The following COBL variants were observed in gnomAD, a reference collection of about 807,000 sequenced individuals.
COBL encodes cordon-bleu WH2 repeat protein, also known as protein cordon-bleu.
COBL carries 51 observed loss-of-function variants against 98.8 expected under a neutral mutation model. That is an observed-to-expected ratio of 0.52 (90% CI 0.41 to 0.65). The LOEUF (loss-of-function observed/expected upper bound fraction) is 0.65. COBL is among the 30% of genes least tolerant of loss of function. The pLI is 0.00. For synonymous variants in COBL, 634 were observed against 651.7 expected, an observed-to-expected ratio of 0.97 and a Z score of 0.41; for missense variants, 1,617 against 1,617.5, an observed-to-expected ratio of 1.00 and a Z score of 0.01.
At position 51,044,739 on chromosome 7, in the gene COBL, T is replaced by C. The variant is rs542253465; in HGVS notation, c.1097-1047A>G. Reference sequence around the variant, plus strand: ...AAGTGAATTAAGACTCCTCTGGGAGTGCTCACTCCACAAAATCATGCACTG... The same window carrying C: ...AAGTGAATTAAGACTCCTCTGGGAGCGCTCACTCCACAAAATCATGCACTG... On this transcript the variant is annotated intron_variant, in intron 7 of 12. Coordinates refer to ENST00000265136, the MANE Select transcript of COBL (RefSeq NM_015198.5). 4.6e-5 allele frequency among the ~76,000 whole-genome samples: 7 copies of C among 152,224 alleles called. No individual in the cohort carries two copies. The South Asian group carries it at 1.5e-3, about 32-fold the overall frequency.
chr7:51,086,790 C>T (rs368804635), intron 6 of COBL, among the ~76,000 whole-genome samples: 2 of 152,270 alleles, frequency 1.3e-5, no homozygotes, highest in African/African-American at 4.8e-5. Flanking sequence ...TTTTTCTAGA[C>T]TATTTTTTCT....
At chr7:51,149,646 G>A (rs1479138270) in intron 5 of COBL, among the ~76,000 whole-genome samples, 1 of 152,130 alleles carries the variant, frequency 6.6e-6, no homozygotes, top group Non-Finnish European at 1.5e-5. Context: ...TCACTGTGTC[G>A]CCCAGGCTGG....
intron 1 of COBL, among the ~76,000 whole-genome samples, chr7:51,308,801 G>A (rs1413283004): frequency 6.6e-6 from 1 of 152,168 alleles, no homozygotes; most frequent in African/African-American, 2.4e-5. Context: ...CTGTAGCATG[G>A]ACAAGGAGAA....
intron 1 of COBL, among the ~76,000 whole-genome samples, chr7:51,303,689 T>C (rs888769915): frequency 7.9e-5 from 12 of 152,214 alleles, no homozygotes; most frequent in African/African-American, 2.9e-4. Flanking sequence ...AACACAGACA[T>C]GTATCAAAAT....
intron 1 of COBL, among the ~76,000 whole-genome samples, chr7:51,306,044 G>A (rs1018498815): frequency 2.6e-5 from 4 of 151,974 alleles, no homozygotes; most frequent in Non-Finnish European, 5.9e-5. Context: ...GTCTTGGGGC[G>A]GGGGTGGGGG....
At chr7:51,142,604 G>A (rs572334280) in intron 5 of COBL, among the ~76,000 whole-genome samples, 3 of 152,014 alleles carry the variant, frequency 2.0e-5, no homozygotes, top group South Asian at 4.2e-4. Context: ...GGCTGGTCTC[G>A]AACTGCTGAA....
chr7:51,275,779 C>A (rs1326167860), intron 1 of COBL, among the ~76,000 whole-genome samples: 1 of 152,234 alleles, frequency 6.6e-6, no homozygotes, highest in Non-Finnish European at 1.5e-5. Context: ...GGCGATTCCA[C>A]CTTCCCCTCA....
chr7:51,236,434 C>T (rs1453546452), intron 1 of COBL, among the ~76,000 whole-genome samples: 1 of 152,120 alleles, frequency 6.6e-6, no homozygotes, highest in Non-Finnish European at 1.5e-5. Flanking sequence ...AGGCTTGGGG[C>T]TCAGCAGGAG....
chr7:51,225,012 T>G (rs552496784), intron 1 of COBL, among the ~76,000 whole-genome samples: 1 of 152,192 alleles, frequency 6.6e-6, no homozygotes, highest in African/African-American at 2.4e-5. Context: ...GGGTGGACTG[T>G]GTGTGTGGAT....
intron 5 of COBL, among the ~76,000 whole-genome samples, chr7:51,146,164 CCTT>C (rs1238428236): frequency 1.3e-5 from 2 of 152,240 alleles, no homozygotes; most frequent in African/African-American, 4.8e-5. Context: ...GCAACTCCAT[CCTT>C]CTGTCTTCTT....
At chr7:51,026,173 T>C (rs1034693551) in intron 11 of COBL, among the ~76,000 whole-genome samples, 3 of 152,236 alleles carry the variant, frequency 2.0e-5, no homozygotes, top group African/African-American at 7.2e-5. Flanking sequence ...GCTATATTCA[T>C]GCAACAACTT....
chr7:51,152,652 T>C (rs770896966), intron 5 of COBL, among the ~76,000 whole-genome samples: 3 of 152,234 alleles, frequency 2.0e-5, no homozygotes, highest in Non-Finnish European at 2.9e-5. Flanking sequence ...ACCCTACCTA[T>C]GTTTTCTGTT....
At position 51,219,871 on chromosome 7, in the gene COBL, GC is replaced by G. The variant is rs1338073872; in HGVS notation, c.114del (p.Lys38AsnfsTer17). On this transcript the variant is annotated frameshift_variant, in exon 2 of 13. Coordinates refer to ENST00000265136, the MANE Select transcript of COBL (RefSeq NM_015198.5). LOFTEE classifies it high-confidence loss of function. ...AATLHVHSDQ[K>X]PPHDGALGSQ... The stretch of plus-strand genomic sequence containing the variant: ...GACCCGAGGGCCCCATCGTGGGGGG[GC>G]TTCTGGTCACTGTGCACATGCAGAG... 2 of 1,613,312 alleles carry G rather than the reference GC, an allele frequency of 1.2e-6. No individual in the cohort carries two copies. Among genetic ancestry groups the G allele is most frequent in the African/African-American group, 2.7e-5 (2 of 74,888 alleles).
chr7:51,108,254 C>CCTCCA (rs1167127376), intron 6 of COBL, among the ~76,000 whole-genome samples: 6 of 152,192 alleles, frequency 3.9e-5, no homozygotes, highest in African/African-American at 1.4e-4. Context: ...GCTGGCTCTG[C>CCTCCA]CTGTTTTGGG....
chr7:51,065,073 G>A (rs960876240), intron 7 of COBL: 16 of 646,738 alleles, frequency 2.5e-5, no homozygotes, highest in Non-Finnish European at 3.6e-5. Flanking sequence ...TTTAGAAGTC[G>A]GTCCATAGAA....
intron 1 of COBL, among the ~76,000 whole-genome samples, chr7:51,294,333 A>AAAT (rs1563136809): frequency 4.1e-4 from 56 of 135,328 alleles, no homozygotes; most frequent in African/African-American, 1.3e-3. Context: ...AATAAATAAA[A>AAAT]ATAAATAAAT....
At chr7:51,138,706 A>G (rs1423376027) in intron 5 of COBL, among the ~76,000 whole-genome samples, 1 of 152,236 alleles carries the variant, frequency 6.6e-6, no homozygotes. Context: ...ACACATGTGA[A>G]CACACATTTT....
At chr7:51,025,413 T>C (rs1486723350) in intron 11 of COBL, 41 bp from the exon 12 acceptor site, 1 of 1,604,480 alleles carries the variant, frequency 6.2e-7, no homozygotes, top group Non-Finnish European at 8.5e-7. Flanking sequence ...AGAGTGAATG[T>C]CTCCCAAAAT....
At position 51,190,784 on chromosome 7, in the gene COBL, G is replaced by A. The variant is rs1468679595; in HGVS notation, c.685+66C>T. On this transcript the variant is annotated intron_variant, in intron 4 of 12. Coordinates refer to ENST00000265136, the MANE Select transcript of COBL (RefSeq NM_015198.5). Reference sequence around the variant, plus strand: ...TGAGAGTGCTGGGGAGAGCCAACAGGGGACATGTACACGCCGCGCATCCGT... The same window carrying A: ...TGAGAGTGCTGGGGAGAGCCAACAGAGGACATGTACACGCCGCGCATCCGT... 176 of 1,311,998 alleles carry A rather than the reference G, an allele frequency of 1.3e-4. 1 individual carries two copies. Among genetic ancestry groups the A allele is most frequent in the Non-Finnish European group, 4.3e-6 (4 of 920,342 alleles). The allele number at this position is 1,311,998 out of a possible 1,614,324, so 81.3% of individuals were successfully genotyped here.
Sources: gnomAD v4.1 joint callset for allele counts (sites outside exome capture counted in the v4.1 genomes callset) on GRCh38, gnomAD v4.1.1 for gene constraint, MANE v1.5 for transcripts, NCBI Gene and HGNC (gene_info 2026-07-23, HGNC 2026-07-21) for gene names.